MAPK8IP3: variants seen among roughly 807,000 people sequenced by gnomAD.
MAPK8IP3 encodes the protein C-Jun-amino-terminal kinase-interacting protein 3.
Under a neutral mutation model 157.8 loss-of-function variants are expected in MAPK8IP3, and 49 were observed. That is an observed-to-expected ratio of 0.31 (90% CI 0.25 to 0.39). The LOEUF is 0.39. Ranked by LOEUF, MAPK8IP3 falls within the 10% of genes least tolerant of loss-of-function variation. The pLI, the probability that MAPK8IP3 is intolerant of heterozygous loss-of-function variation, is 1.00. For missense variants in MAPK8IP3, 1,478 were observed against 1,889.4 expected (o/e 0.78, Z 4.04); for synonymous variants, 897 against 777.7 (o/e 1.15, Z -2.55).
chr16:1,742,521 C>A lies in MAPK8IP3; in HGVS notation c.603-811C>A, dbSNP rs2040744470. 6.6e-6 allele frequency among the ~76,000 whole-genome samples: 1 copy of A among 152,190 alleles called. No homozygotes were observed. Among genetic ancestry groups the A allele is most frequent in the Non-Finnish European group, 1.5e-5 (1 of 68,024 alleles). The stretch of plus-strand genomic sequence containing the variant: ...CTGCAGCAGATGAGACGGGGTCAGT[C>A]CTTACTCTGGATGTGTCGTGTTCAG... On this transcript the variant is annotated intron_variant, in intron 4 of 31. Transcript: ENST00000610761. The surrounding 1 kb of genome is among the most constrained non-coding windows in gnomAD (Gnocchi z 5.0).
At chr16:1,716,849 G>A (rs1246938239) in intron 1 of MAPK8IP3, among the ~76,000 whole-genome samples, 2 of 151,960 alleles carry the variant, frequency 1.3e-5, no homozygotes, top group African/African-American at 4.8e-5. Context: ...ACGAGGTCAA[G>A]GAGATCGAGA....
intron 1 of MAPK8IP3, chr16:1,707,491 C>G (rs891273734): frequency 6.6e-6 from 1 of 152,252 alleles, no homozygotes; most frequent in Non-Finnish European, 1.5e-5. Flanking sequence ...GCTAGGATGT[C>G]TCCATAACCT....
At chr16:1,728,261 G>T (rs896522623) in intron 2 of MAPK8IP3, among the ~76,000 whole-genome samples, 1 of 152,226 alleles carries the variant, frequency 6.6e-6, no homozygotes, top group Admixed American at 6.5e-5. Flanking sequence ...GTTTAAGGGA[G>T]ACATGACTGT....
intron 4 of MAPK8IP3, among the ~76,000 whole-genome samples, chr16:1,733,074 C>T (rs972322837): frequency 1.3e-5 from 2 of 152,232 alleles, no homozygotes; most frequent in Admixed American, 6.5e-5. Flanking sequence ...GAATTAAAAT[C>T]GAACCTGGAC....
chr16:1,731,405 G>A (rs1399547169), intron 4 of MAPK8IP3, among the ~76,000 whole-genome samples: 2 of 152,228 alleles, frequency 1.3e-5, no homozygotes, highest in East Asian at 1.9e-4. Context: ...GGAGAAACGG[G>A]AGTCCCTGTG....
At position 1,737,482 on chromosome 16, in the gene MAPK8IP3, CCGTCCGTGTGAG is replaced by C. The variant is rs1351546721; in HGVS notation, c.603-5834_603-5823del. On this transcript the variant is annotated intron_variant, in intron 4 of 31. Transcript: ENST00000610761. ...ACCACCCATGTGAGCATCTGTGTGA[CCGTCCGTGTGAG>C]CGTCCGTGTGAGCGTGTGACCGTCC... 1.2e-3 allele frequency among the ~76,000 whole-genome samples: 94 copies of C among 79,104 alleles called. 5 individuals carry two copies. The highest frequency in any genetic ancestry group is 4.4e-3 in the African/African-American group (88 of 19,808). The allele number at this position is 79,104 out of a possible 152,430, so 51.9% of individuals were successfully genotyped here. A position where few individuals can be genotyped will look rare whatever the true frequency, so the allele number is the denominator to read the frequency against.
At chr16:1,752,781 G>T (rs890250123) in intron 8 of MAPK8IP3, among the ~76,000 whole-genome samples, 1 of 150,736 alleles carries the variant, frequency 6.6e-6, no homozygotes, top group African/African-American at 2.4e-5. Flanking sequence ...AGAAGGAAAA[G>T]AAAAAGTCAG....
chr16:1,751,045 T>TCATTCTCAATGTGACA lies in MAPK8IP3; in HGVS notation c.1216+2325_1216+2326insCATTCTCAATGTGACA, dbSNP rs989216646. Among the ~76,000 whole-genome samples, 2 of 152,224 alleles carry TCATTCTCAATGTGACA rather than the reference T, an allele frequency of 1.3e-5. No individual in the cohort carries two copies. The highest frequency in any genetic ancestry group is 6.5e-5 in the Admixed American group (1 of 15,284). ...AGAACACACAGTGTCAGGTCGCAGC[T>TCATTCTCAATGTGACA]GCCCTTCTCATTGTGGGCGGTGTCA... On this transcript the variant is annotated intron_variant, in intron 8 of 31. Coordinates refer to ENST00000610761, the MANE Select transcript of MAPK8IP3 (RefSeq NM_001318852.2). This position sits in a 1 kb window ranked among gnomAD's most constrained non-coding sequence, Gnocchi z 5.0.
chr16:1,726,998 C>T (rs1264608615), intron 2 of MAPK8IP3, among the ~76,000 whole-genome samples: 1 of 151,778 alleles, frequency 6.6e-6, no homozygotes, highest in Non-Finnish European at 1.5e-5. Flanking sequence ...CTGTGTGCAG[C>T]GTCTGTGTGT....
At chr16:1,712,150 C>T (rs2037832897) in intron 1 of MAPK8IP3, among the ~76,000 whole-genome samples, 1 of 149,448 alleles carries the variant, frequency 6.7e-6, no homozygotes, top group Non-Finnish European at 1.5e-5. Context: ...CAAGCTCCAC[C>T]TCCCAGGTTT....
chr16:1,740,199 ACCGT>A (rs1195598690), intron 4 of MAPK8IP3, among the ~76,000 whole-genome samples: 7 of 108,066 alleles, frequency 6.5e-5, no homozygotes, highest in South Asian at 3.6e-4. Context: ...TGAGTGTGTG[ACCGT>A]CCGTGTGAGC....
intron 4 of MAPK8IP3, among the ~76,000 whole-genome samples, chr16:1,730,858 G>C (rs28788032): frequency 8.1e-6 from 1 of 124,086 alleles, no homozygotes; most frequent in African/African-American, 3.1e-5. Context: ...AAAAAAAAAA[G>C]GGTAGGCACA....
chr16:1,766,778 C>G lies in MAPK8IP3; in HGVS notation c.2995C>G (p.Leu999Val). ...GAAGAAGTGCCTGCACTCCATCAAG[C>G]TGAAGGATTCTGTGCTGAGCCTGGT... ...NWKKCLHSIKLKDSVLSLVHV... is the reference protein window; with the variant it reads ...NWKKCLHSIKVKDSVLSLVHV... The change falls in exon 24 of 32, where the codon CTG (leucine) becomes GTG (valine). Residue 999 changes from leucine (L) to valine (V), a missense_variant. Transcript: ENST00000610761. The G allele has an allele frequency of 6.2e-7, 1 of 1,612,814 alleles. No homozygotes were observed. Among genetic ancestry groups the G allele is most frequent in the Non-Finnish European group, 8.5e-7 (1 of 1,179,930 alleles).
chr16:1,719,113 A>G (rs1449002211), intron 1 of MAPK8IP3, among the ~76,000 whole-genome samples: 1 of 152,196 alleles, frequency 6.6e-6, no homozygotes, highest in African/African-American at 2.4e-5. Flanking sequence ...AGCTGGGACT[A>G]TGGGCATGCA....
Position 1,764,292 on chromosome 16 carries a change from C to T in MAPK8IP3, c.2122-9C>T. The T allele has an allele frequency of 6.3e-7, 1 of 1,581,452 alleles. No individual in the cohort carries two copies. Among genetic ancestry groups the T allele is most frequent in the Non-Finnish European group, 8.6e-7 (1 of 1,165,026 alleles). On this transcript the variant is annotated splice_polypyrimidine_tract_variant and intron_variant, in intron 18 of 31. Transcript: ENST00000610761. ...CCGGTGACACCCGACCTCGGCCCTG[C>T]CCTTGCAGCTGTGGTGTGCCGCGGG...
chr16:1,747,155 A>G lies in MAPK8IP3; in HGVS notation c.874A>G (p.Ser292Gly). 16 of 1,614,028 alleles carry G rather than the reference A, an allele frequency of 9.9e-6. No individual in the cohort carries two copies. Among genetic ancestry groups the G allele is most frequent in the Non-Finnish European group, 1.4e-5 (16 of 1,180,000 alleles). The part of the protein sequence containing the change: ...PSAAVTPLNE[S>G]LQPLGDYGVG... The stretch of plus-strand genomic sequence containing the variant: ...GGCCGCCGTCACACCCCTCAACGAG[A>G]GCCTGCAGCCCCTGGGGGACTATGG... Residue 292 changes from serine to glycine, a missense_variant, in exon 6 of 32, where the codon AGC (serine) becomes GGC (glycine). Physicochemically the swap from Ser to Gly is moderately conservative, Grantham distance 56. Transcript: ENST00000610761.
Position 1,706,440 on chromosome 16 carries a change from G to T in MAPK8IP3, c.101G>T (p.Gly34Val), listed in dbSNP as rs1419661937. The T allele has an allele frequency of 6.2e-7, 1 of 1,613,788 alleles. No homozygotes were observed. Among genetic ancestry groups the T allele is most frequent in the Non-Finnish European group, 8.5e-7 (1 of 1,179,960 alleles). The part of the protein sequence containing the change: ...VMSERVSGLA[G>V]SIYREFERLI... Reference sequence around the variant, plus strand: ...TCGGAGCGGGTGTCGGGCCTGGCGGGCTCCATCTACCGCGAGTTCGAGCGC... The same window carrying T: ...TCGGAGCGGGTGTCGGGCCTGGCGGTCTCCATCTACCGCGAGTTCGAGCGC... The change falls in exon 1 of 32, where the codon GGC becomes GTC. Residue 34 changes from glycine (G) to valine (V), a missense_variant. This residue lies in a region of MAPK8IP3 where 65 missense variants were observed against 161.8 expected (regional missense o/e 0.40). Coordinates refer to ENST00000610761, the MANE Select transcript of MAPK8IP3 (RefSeq NM_001318852.2). The surrounding 1 kb of genome is among the most constrained non-coding windows in gnomAD (Gnocchi z 5.1).
rs1210008845 is a variant in MAPK8IP3 at position 1,742,938 on chromosome 16, C to T, written c.603-394C>T. ...GAGATCGAGACCATCCTGGCTAACACGGTGAAACCCCGTCTCTACTAAAAA... is the reference window on the plus strand; with the variant it reads ...GAGATCGAGACCATCCTGGCTAACATGGTGAAACCCCGTCTCTACTAAAAA... On this transcript the variant is annotated intron_variant, in intron 4 of 31. Transcript: ENST00000610761. The surrounding 1 kb of genome is among the most constrained non-coding windows in gnomAD (Gnocchi z 5.0). 2.0e-5 allele frequency among the ~76,000 whole-genome samples: 3 copies of T among 151,868 alleles called. No homozygotes were observed. The highest frequency in any genetic ancestry group is 2.9e-5 in the Non-Finnish European group (2 of 67,932).
chr16:1,754,257 C>CT (rs2041466900), intron 8 of MAPK8IP3, among the ~76,000 whole-genome samples: 1 of 152,096 alleles, frequency 6.6e-6, no homozygotes, highest in African/African-American at 2.4e-5. Context: ...GCTGTACCAG[C>CT]TATTACCGCA....
Sources: gnomAD v4.1 joint callset for allele counts (sites outside exome capture counted in the v4.1 genomes callset) on GRCh38, gnomAD v4.1.1 for gene constraint, gnomAD v4.1.1 regional missense constraint, Gnocchi (gnomAD v3.1) non-coding constraint, MANE v1.5 for transcripts, NCBI Gene and HGNC (gene_info 2026-07-23, HGNC 2026-07-21) for gene names.